Variants in ME1 observed in about 807,000 individuals in gnomAD.
ME1 encodes NADP-dependent malic enzyme.
ME1 carries 74 observed loss-of-function variants against 66.4 expected under a neutral mutation model. The observed-to-expected ratio is 1.11, with a 90% CI of 0.92 to 1.35. The LOEUF (loss-of-function observed/expected upper bound fraction) is 1.35, where lower values mean the gene tolerates loss of function less well. ME1 is among the 40% of genes most tolerant of loss of function. The pLI, the probability that ME1 is intolerant of heterozygous loss-of-function variation, is 0.00. For missense variants in ME1, 750 were observed against 694.1 expected, an observed-to-expected ratio of 1.08 and a Z score of -0.90; for synonymous variants, 251 against 235.6, an observed-to-expected ratio of 1.07 and a Z score of -0.60.
rs117966715 is a variant in ME1, at chr6:83,240,176, A to G, written c.815-540T>C. Among the ~76,000 whole-genome samples, 974 of 152,134 alleles carry G rather than the reference A, an allele frequency of 6.4e-3. 24 individuals carry two copies. In the East Asian group the frequency reaches 0.076, roughly 12 times the overall value. Reference sequence around the variant, plus strand: ...GCTTCACACAAAGAAACTCTTCTTCACACAAAGAAACTCTTAATGTAAGAG... The same window carrying G: ...GCTTCACACAAAGAAACTCTTCTTCGCACAAAGAAACTCTTAATGTAAGAG... On this transcript the variant is annotated intron_variant, in intron 7 of 13. Coordinates refer to ENST00000369705, the MANE Select transcript of ME1 (RefSeq NM_002395.6).
At chr6:83,358,678 C>T (rs1192665417) in intron 3 of ME1, among the ~76,000 whole-genome samples, 2 of 152,126 alleles carry the variant, frequency 1.3e-5, no homozygotes, top group Non-Finnish European at 2.9e-5. Flanking sequence ...ACTGGGGACA[C>T]TGAGTTTGTA....
chr6:83,255,158 T>C (rs1766741253), intron 6 of ME1, among the ~76,000 whole-genome samples: 1 of 152,008 alleles, frequency 6.6e-6, no homozygotes, highest in African/African-American at 2.4e-5. Flanking sequence ...GTGTTAACGT[T>C]TTTTGTTTGT....
intron 5 of ME1, among the ~76,000 whole-genome samples, chr6:83,344,950 AATTTTTAAAATAT>A (rs1447767766): frequency 1.3e-5 from 2 of 151,936 alleles, no homozygotes; most frequent in Non-Finnish European, 2.9e-5. Flanking sequence ...ATCACATAAC[AATTTTTAAAATAT>A]ATTTTTAAAA....
chr6:83,249,744 C>T (rs890714168), intron 7 of ME1, among the ~76,000 whole-genome samples: 8 of 152,002 alleles, frequency 5.3e-5, no homozygotes, highest in African/African-American at 1.9e-4. Flanking sequence ...GGAACCAATC[C>T]TTGAAAGTAC....
intron 4 of ME1, among the ~76,000 whole-genome samples, chr6:83,349,015 A>AC (rs1554269757): frequency 0.046 from 5,666 of 122,992 alleles, 580 homozygotes; most frequent in Non-Finnish European, 0.064. Flanking sequence ...AAAACAAAAA[A>AC]CAGTGCATTC....
chr6:83,313,842 G>A (rs1767975386), intron 6 of ME1, among the ~76,000 whole-genome samples: 1 of 152,080 alleles, frequency 6.6e-6, no homozygotes, highest in Non-Finnish European at 1.5e-5. Flanking sequence ...CAAGCATGTG[G>A]TTCTAAAATG....
intron 6 of ME1, among the ~76,000 whole-genome samples, chr6:83,262,643 A>G (rs1484129455): frequency 6.6e-6 from 1 of 152,240 alleles, no homozygotes; most frequent in Non-Finnish European, 1.5e-5. Flanking sequence ...ACTGAAGAAT[A>G]TTACAGTCAT....
intron 1 of ME1, among the ~76,000 whole-genome samples, chr6:83,409,008 C>T (rs992890367): frequency 2.6e-5 from 4 of 151,968 alleles, no homozygotes; most frequent in African/African-American, 9.7e-5. Flanking sequence ...GAGAGCAGAC[C>T]CCTCATGTAT....
At chr6:83,401,208 G>A (rs1769831526) in intron 2 of ME1, among the ~76,000 whole-genome samples, 1 of 152,146 alleles carries the variant, frequency 6.6e-6, no homozygotes, top group African/African-American at 2.4e-5. Context: ...GGTGGAGCAT[G>A]CCTGTAGTCC....
At chr6:83,239,311 T>C (rs1790468927) in intron 8 of ME1, among the ~76,000 whole-genome samples, 2 of 152,052 alleles carry the variant, frequency 1.3e-5, no homozygotes, top group African/African-American at 4.8e-5. Context: ...CGGCAACATT[T>C]GATAATACCA....
intron 3 of ME1, among the ~76,000 whole-genome samples, chr6:83,388,346 A>G (rs1435822273): frequency 1.3e-5 from 2 of 152,028 alleles, no homozygotes; most frequent in African/African-American, 4.8e-5. Context: ...TTGGCCCCCC[A>G]AAGTACTGGG....
chr6:83,230,756 C>A (rs979084147), intron 9 of ME1, among the ~76,000 whole-genome samples: 14 of 151,996 alleles, frequency 9.2e-5, no homozygotes, highest in Non-Finnish European at 2.9e-5. Flanking sequence ...ACGGTGAAAC[C>A]CCGTCTCTAC....
At chr6:83,245,992 A>T (rs1374155756) in intron 7 of ME1, among the ~76,000 whole-genome samples, 1 of 152,202 alleles carries the variant, frequency 6.6e-6, no homozygotes, top group Non-Finnish European at 1.5e-5. Flanking sequence ...AAGAGGAAGA[A>T]GTATAGTCAG....
intron 7 of ME1, among the ~76,000 whole-genome samples, chr6:83,240,264 C>T (rs909870849): frequency 4.0e-5 from 6 of 151,874 alleles, no homozygotes; most frequent in African/African-American, 1.5e-4. Flanking sequence ...TATTGGTGCT[C>T]ATAATATTTT....
intron 5 of ME1, among the ~76,000 whole-genome samples, chr6:83,339,851 G>A (rs1768540740): frequency 8.1e-6 from 1 of 122,848 alleles, no homozygotes; most frequent in Non-Finnish European, 1.7e-5. Context: ...GGATAGCATT[G>A]GGAGATATAC....
intron 1 of ME1, among the ~76,000 whole-genome samples, chr6:83,420,959 G>A (rs1414695670): frequency 1.3e-5 from 2 of 151,502 alleles, no homozygotes; most frequent in Non-Finnish European, 2.9e-5. Context: ...TTTAAGTAGT[G>A]GACAGTTTAA....
chr6:83,256,025 C>T (rs1227085868), intron 6 of ME1, among the ~76,000 whole-genome samples: 1 of 152,130 alleles, frequency 6.6e-6, no homozygotes, highest in Non-Finnish European at 1.5e-5. Context: ...TGTTAATCAT[C>T]TTTTATCCTT....
At position 83,277,444 on chromosome 6, in the gene ME1, T is replaced by C. The variant is rs916193179; in HGVS notation, c.705-23706A>G. Among the ~76,000 whole-genome samples the C allele has an allele frequency of 2.0e-5, 3 of 152,320 alleles. No individual in the cohort carries two copies. The East Asian group carries it at 5.8e-4, about 29-fold the overall frequency. On this transcript the variant is annotated intron_variant, in intron 6 of 13. Transcript: ENST00000369705. The stretch of plus-strand genomic sequence containing the variant: ...AAACCAATGTCCACTACAAGTATGT[T>C]GGCTCTGTGTCATGGACAGCCACAG...
chr6:83,316,637 T>G (rs970709409), intron 5 of ME1, among the ~76,000 whole-genome samples: 1 of 152,082 alleles, frequency 6.6e-6, no homozygotes, highest in Non-Finnish European at 1.5e-5. Flanking sequence ...ACTTTTTTAT[T>G]TGTACACATA....
Sources: allele counts gnomAD v4.1 joint callset (sites outside exome capture counted in the v4.1 genomes callset), GRCh38; gene constraint gnomAD v4.1.1; transcripts MANE v1.5; gene names NCBI Gene and HGNC (gene_info 2026-07-23, HGNC 2026-07-21).